SEPTIN9: variants seen among roughly 807,000 people sequenced by gnomAD.
The protein encoded by SEPTIN9 is septin 9.
Under a neutral mutation model 56.6 loss-of-function variants are expected in SEPTIN9, and 13 were observed. The observed-to-expected ratio is 0.23, with a 90% confidence interval of 0.15 to 0.37. SEPTIN9 has a LOEUF of 0.37. Among genes scored for constraint, SEPTIN9 ranks in the 10% least tolerant of loss-of-function variants. SEPTIN9 has a pLI of 1.00. For synonymous variants in SEPTIN9, 332 were observed against 334.1 expected (o/e 0.99, Z 0.07); for missense variants, 650 against 823.1 (o/e 0.79, Z 2.57).
chr17:77,396,893 A>T (rs907119046), intron 2 of SEPTIN9: 3 of 153,698 alleles, frequency 2.0e-5, no homozygotes, highest in African/African-American at 7.3e-5. Context: ...AAGAAGGGGG[A>T]AGGAGGCAGC....
intron 2 of SEPTIN9, among the ~76,000 whole-genome samples, chr17:77,362,151 C>A (rs2034439216): frequency 6.6e-6 from 1 of 152,258 alleles, no homozygotes; most frequent in Non-Finnish European, 1.5e-5. Flanking sequence ...GATTTGGGGG[C>A]AGAGGCCTGT....
Position 77,319,487 on chromosome 17 carries a change from C to T in SEPTIN9, c.76+12290C>T, listed in dbSNP as rs1325296410. 2.6e-5 allele frequency: 25 copies of T among 973,618 alleles called. No individual in the cohort carries two copies. The highest frequency in any genetic ancestry group is 3.1e-5 in the Non-Finnish European group (25 of 804,168). 60.3% of individuals were successfully genotyped at this position (973,618 alleles called of 1,614,324 possible). A position where few individuals can be genotyped will look rare whatever the true frequency, so the allele number is the denominator to read the frequency against. On this transcript the variant is annotated intron_variant, in intron 2 of 11. Transcript: ENST00000427177. This position sits in a 1 kb window ranked among gnomAD's most constrained non-coding sequence, Gnocchi z 5.3. The stretch of plus-strand genomic sequence containing the variant: ...TTCCAGGAAGTCCCCGTCCCGTTCG[C>T]CCTCTCTGCCTGGGCGGGGACGGCA...
intron 6 of SEPTIN9, 148 bp from the exon 7 acceptor site, chr17:77,488,579 C>CT (rs1442330646): frequency 8.6e-7 from 1 of 1,156,574 alleles, no homozygotes; most frequent in Non-Finnish European, 1.2e-6. Context: ...GAGGGTAAGG[C>CT]TGTGGCATCT....
At chr17:77,291,031 ATTTTTTT>A (rs869237556) in intron 1 of SEPTIN9, among the ~76,000 whole-genome samples, 6 of 108,788 alleles carry the variant, frequency 5.5e-5, no homozygotes, top group Admixed American at 9.6e-5. Flanking sequence ...TGCCTGGCTA[ATTTTTTT>A]TTTTTTTTTT....
At position 77,475,296 on chromosome 17, in the gene SEPTIN9, G is replaced by A; in HGVS notation, c.722-6848G>A. 1 of 1,419,042 alleles carries A rather than the reference G, an allele frequency of 7.0e-7. No homozygotes were observed. Among genetic ancestry groups the A allele is most frequent in the Non-Finnish European group, 9.2e-7 (1 of 1,091,078 alleles). The allele number at this position is 1,419,042 out of a possible 1,614,324, so 87.9% of individuals were successfully genotyped here. A position where few individuals can be genotyped will look rare whatever the true frequency, so the allele number is the denominator to read the frequency against. ...CGCAGAGAGCAGGCTCTGTGTGGGAGCGGGGAGGGCAAGCCCTGGTTGCGA... is the reference window on the plus strand; with the variant it reads ...CGCAGAGAGCAGGCTCTGTGTGGGAACGGGGAGGGCAAGCCCTGGTTGCGA... On this transcript the variant is annotated intron_variant, in intron 3 of 11. Coordinates refer to ENST00000427177, the MANE Select transcript of SEPTIN9 (RefSeq NM_001113491.2). This position sits in a 1 kb window ranked among gnomAD's most constrained non-coding sequence, Gnocchi z 4.6.
chr17:77,472,818 G>T (rs954052077), intron 3 of SEPTIN9: 5 of 152,190 alleles, frequency 3.3e-5, no homozygotes, highest in Admixed American at 2.0e-4. Flanking sequence ...AGTGTAATTT[G>T]ATTTGGAGTT....
Position 77,500,558 on chromosome 17 carries a change from A to G in SEPTIN9, c.*1900A>G, listed in dbSNP as rs180847518. 702 of 193,522 alleles carry G rather than the reference A, an allele frequency of 3.6e-3. 1 individual carries two copies. Among genetic ancestry groups the G allele is most frequent in the Admixed American group, 9.5e-3 (155 of 16,390 alleles). The allele number at this position is 193,522 out of a possible 1,614,324, so 12.0% of individuals were successfully genotyped here. ...ATAAATGACAAAGTGTTGAAAATGT[A>G]TTTCCTGAAATAAATGTTTCAAATG... On this transcript the variant is annotated 3_prime_UTR_variant, in exon 12 of 12. Transcript: ENST00000427177.
In SEPTIN9 at chr17:77,475,224, A is replaced by G. The variant is rs2039158901; in HGVS notation, c.722-6920A>G. ...TGTGGGGGGGTTGTGGTGAGAGGAA[A>G]CCGCACACATCATTATTCAGTTACC... On this transcript the variant is annotated intron_variant, in intron 3 of 11. Transcript: ENST00000427177. The surrounding 1 kb of genome is among the most constrained non-coding windows in gnomAD (Gnocchi z 4.6). The G allele has an allele frequency of 3.1e-6, 4 of 1,280,254 alleles. No homozygotes were observed. The highest frequency in any genetic ancestry group is 3.0e-6 in the Non-Finnish European group (3 of 1,010,858). The allele number at this position is 1,280,254 out of a possible 1,614,324, so 79.3% of individuals were successfully genotyped here.
At chr17:77,348,595 C>T (rs8069044) in intron 2 of SEPTIN9, among the ~76,000 whole-genome samples, 2 of 151,970 alleles carry the variant, frequency 1.3e-5, no homozygotes, top group Non-Finnish European at 2.9e-5. Flanking sequence ...CCACTGAGCC[C>T]GGCCTGTTTT....
intron 2 of SEPTIN9, among the ~76,000 whole-genome samples, chr17:77,316,666 G>A (rs1435416671): frequency 6.6e-6 from 1 of 152,088 alleles, no homozygotes; most frequent in Non-Finnish European, 1.5e-5. Flanking sequence ...AGTTCGTATG[G>A]AGAGTCTCGA....
At chr17:77,348,231 A>G (rs1046507311) in intron 2 of SEPTIN9, among the ~76,000 whole-genome samples, 30 of 145,296 alleles carry the variant, frequency 2.1e-4, no homozygotes, top group Admixed American at 2.0e-3. Context: ...TATTTCTTTC[A>G]TCTTGCTTTC....
chr17:77,466,683 T>C, intron 3 of SEPTIN9: 1 of 587,742 alleles, frequency 1.7e-6, no homozygotes, highest in Non-Finnish European at 2.1e-6. Context: ...CCCTGGGGGC[T>C]CCCTCATTTA....
In SEPTIN9 at chr17:77,499,893, G is replaced by A. The variant is rs889010031; in HGVS notation, c.*1235G>A. 3.6e-6 allele frequency: 1 copy of A among 280,928 alleles called. No individual in the cohort carries two copies. Among genetic ancestry groups the A allele is most frequent in the Non-Finnish European group, 6.8e-6 (1 of 146,604 alleles). 17.4% of individuals were successfully genotyped at this position (280,928 alleles called of 1,614,324 possible). On this transcript the variant is annotated 3_prime_UTR_variant, in exon 12 of 12. Coordinates refer to ENST00000427177, the MANE Select transcript of SEPTIN9 (RefSeq NM_001113491.2). ...ACGAACCCCTAGAAAGGAGAGAACG[G>A]GCGTCAGGGGTGCACAGTCCACAGC...
At position 77,363,379 on chromosome 17, in the gene SEPTIN9, CTTTTTTTTTT is replaced by C. The variant is rs34313886; in HGVS notation, c.77-38663_77-38654del. Among the ~76,000 whole-genome samples the C allele has an allele frequency of 2.0e-4, 13 of 66,620 alleles. No individual in the cohort carries two copies. In the South Asian group the frequency reaches 5.1e-3, roughly 26 times the overall value. 43.7% of individuals were successfully genotyped at this position (66,620 alleles called of 152,430 possible). A position where few individuals can be genotyped will look rare whatever the true frequency, so the allele number is the denominator to read the frequency against. On this transcript the variant is annotated intron_variant, in intron 2 of 11. Transcript: ENST00000427177. ...CTGGCTCTCCAGGCCTTGGGCCTGT[CTTTTTTTTTT>C]TTTTTTTTTTTTTTTTGAGATGGAG...
Position 77,487,153 on chromosome 17 carries a change from C to T in SEPTIN9, c.914-271C>T, listed in dbSNP as rs1239477799. Among the ~76,000 whole-genome samples the T allele has an allele frequency of 2.0e-5, 3 of 152,242 alleles. No individual in the cohort carries two copies. The highest frequency in any genetic ancestry group is 7.2e-5 in the African/African-American group (3 of 41,454). On this transcript the variant is annotated intron_variant, in intron 4 of 11. Coordinates refer to ENST00000427177, the MANE Select transcript of SEPTIN9 (RefSeq NM_001113491.2). This position sits in a 1 kb window ranked among gnomAD's most constrained non-coding sequence, Gnocchi z 4.3. The stretch of plus-strand genomic sequence containing the variant: ...ACAAGGGGCACAAGAGATGCCGACT[C>T]TCCCAGGCCCGGCTCACCTCTCAGG...
At chr17:77,498,049 C>CT (rs895672087) in intron 11 of SEPTIN9, among the ~76,000 whole-genome samples, 4 of 151,914 alleles carry the variant, frequency 2.6e-5, no homozygotes, top group South Asian at 2.1e-4. Flanking sequence ...GAGCCCAGGA[C>CT]TTTTTTTTCC....
intron 3 of SEPTIN9, among the ~76,000 whole-genome samples, chr17:77,438,768 C>A (rs780267974): frequency 1.3e-5 from 2 of 152,196 alleles, no homozygotes; most frequent in Non-Finnish European, 2.9e-5. Flanking sequence ...AGTGTGTGGT[C>A]ATTTGCTACA....
At chr17:77,300,705 ACCGCCCCCACCCCAGG>A (rs2032000897) in intron 1 of SEPTIN9, among the ~76,000 whole-genome samples, 1 of 140,010 alleles carries the variant, frequency 7.1e-6, no homozygotes, top group African/African-American at 2.9e-5. Flanking sequence ...CCAGGCTCAA[ACCGCCCCCACCCCAGG>A]CTCAAACCGC....
rs1359203897 is a variant in SEPTIN9, at chr17:77,437,828, T to C, written c.721+35125T>C. Among the ~76,000 whole-genome samples the C allele has an allele frequency of 6.6e-6, 1 of 152,186 alleles. No homozygotes were observed. Among genetic ancestry groups the C allele is most frequent in the Non-Finnish European group, 1.5e-5 (1 of 68,026 alleles). On this transcript the variant is annotated intron_variant, in intron 3 of 11. Transcript: ENST00000427177. This position sits in a 1 kb window ranked among gnomAD's most constrained non-coding sequence, Gnocchi z 5.3. ...TACATTCTCCTGTAGCCCCACTCCC[T>C]GTAAGAAAGTCAGGTGCCTCCCGAA...
Sources: allele counts gnomAD v4.1 joint callset (sites outside exome capture counted in the v4.1 genomes callset), GRCh38; gene constraint gnomAD v4.1.1; non-coding constraint Gnocchi (gnomAD v3.1); transcripts MANE v1.5; gene names NCBI Gene and HGNC (gene_info 2026-07-23, HGNC 2026-07-21).